The following ALK variants were observed in gnomAD, a reference collection of about 807,000 sequenced individuals.
The protein encoded by ALK is ALK receptor tyrosine kinase.
In ALK, 74 loss-of-function variants were observed where a neutral mutation model predicts 163.1. That is an observed-to-expected ratio of 0.45 (90% confidence interval 0.38 to 0.55). ALK has a LOEUF of 0.55. Among genes scored for constraint, ALK ranks in the 20% least tolerant of loss-of-function variants. The pLI, the probability that ALK is intolerant of heterozygous loss-of-function variation, is 0.00. For synonymous variants in ALK, 960 were observed against 843.2 expected (o/e 1.14, Z -2.40); for missense variants, 2,063 against 2,105.3 (o/e 0.98, Z 0.39).
intron 10 of ALK, 60 bp from the exon 11 acceptor site, chr2:29,275,287 TG>T: frequency 6.2e-7 from 1 of 1,611,796 alleles, no homozygotes; most frequent in South Asian, 1.1e-5. Flanking sequence ...GGGTGAGAGA[TG>T]ATTTCACACT....
chr2:29,782,782 G>A (rs1268697038), intron 1 of ALK, among the ~76,000 whole-genome samples: 1 of 152,188 alleles, frequency 6.6e-6, no homozygotes, highest in Non-Finnish European at 1.5e-5. Context: ...ATTCCCCAGA[G>A]CCAGCCTTCT....
chr2:29,327,756 TTTGGATGGA>T (rs1438255112), intron 6 of ALK, among the ~76,000 whole-genome samples: 1 of 152,176 alleles, frequency 6.6e-6, no homozygotes, highest in African/African-American at 2.4e-5. Context: ...AATGATGATA[TTTGGATGGA>T]TCCACTGGAT....
At chr2:29,367,635 C>T (rs544192477) in intron 5 of ALK, among the ~76,000 whole-genome samples, 28 of 152,298 alleles carry the variant, frequency 1.8e-4, no homozygotes, top group South Asian at 6.2e-4. Flanking sequence ...TGCTGGGGTG[C>T]GTACATAATT....
chr2:29,854,353 G>A (rs7578586), intron 1 of ALK, among the ~76,000 whole-genome samples: 40,675 of 151,980 alleles, frequency 0.27, 6,174 homozygotes, highest in East Asian at 0.57. Context: ...TGAATCCCTC[G>A]TGTCTCACTG....
intron 3 of ALK, among the ~76,000 whole-genome samples, chr2:29,607,372 A>G (rs1347376027): frequency 6.6e-6 from 1 of 152,156 alleles, no homozygotes; most frequent in Non-Finnish European, 1.5e-5. Flanking sequence ...TTTTACTTTA[A>G]GAAAATCACA....
chr2:29,856,333 G>T (rs115433863), intron 1 of ALK, among the ~76,000 whole-genome samples: 1 of 152,306 alleles, frequency 6.6e-6, no homozygotes, highest in East Asian at 1.9e-4. Context: ...CATGGGAAGT[G>T]CCTGATGTAG....
Position 29,810,312 on chromosome 2 carries a change from C to G in ALK, c.668-92615G>C, listed in dbSNP as rs559599467. On this transcript the variant is annotated intron_variant, in intron 1 of 28. Coordinates refer to ENST00000389048, the MANE Select transcript of ALK (RefSeq NM_004304.5). Reference sequence around the variant, plus strand: ...TGGTGGTTGCCTGTAATTCCAGCTACTCGGGAGGCTGAGGCAGGAGAATCG... The same window carrying G: ...TGGTGGTTGCCTGTAATTCCAGCTAGTCGGGAGGCTGAGGCAGGAGAATCG... Among the ~76,000 whole-genome samples the G allele has an allele frequency of 2.0e-5, 3 of 151,572 alleles. No individual in the cohort carries two copies. The East Asian group carries it at 5.8e-4, about 30-fold the overall frequency.
chr2:29,338,579 C>T lies in ALK; in HGVS notation c.1283-10098G>A, dbSNP rs76918109. 3.6e-3 allele frequency among the ~76,000 whole-genome samples: 547 copies of T among 152,338 alleles called. 4 individuals are homozygous for T. Among genetic ancestry groups the T allele is most frequent in the African/African-American group, 0.012 (490 of 41,576 alleles). On this transcript the variant is annotated intron_variant, in intron 5 of 28. Transcript: ENST00000389048. ...TGCTCTTCTCTCTTGAAGAAAGACA[C>T]GCATCTCCCTCTGGGGTGCTGATGC...
chr2:29,918,901 T>C (rs1028466737), intron 1 of ALK, among the ~76,000 whole-genome samples: 11 of 152,260 alleles, frequency 7.2e-5, no homozygotes, highest in African/African-American at 2.7e-4. Context: ...TTTAAAAGCC[T>C]GATTTCTTTT....
chr2:29,647,607 C>G (rs890693904), intron 3 of ALK, among the ~76,000 whole-genome samples: 1 of 152,052 alleles, frequency 6.6e-6, no homozygotes, highest in Non-Finnish European at 1.5e-5. Flanking sequence ...TGTGAAGAAG[C>G]GTCCGGAATT....
At chr2:29,524,447 C>T (rs1490531661) in intron 4 of ALK, among the ~76,000 whole-genome samples, 3 of 152,138 alleles carry the variant, frequency 2.0e-5, no homozygotes, top group African/African-American at 7.2e-5. Context: ...AGAAATGGAC[C>T]CAGAAGATCT....
intron 1 of ALK, among the ~76,000 whole-genome samples, chr2:29,781,423 C>T (rs1558485488): frequency 6.6e-6 from 1 of 152,158 alleles, no homozygotes; most frequent in Admixed American, 6.5e-5. Context: ...ATCCTCCTTG[C>T]ATGGGCCTTG....
At chr2:29,232,071 C>T (rs188214990) in intron 15 of ALK, among the ~76,000 whole-genome samples, 1 of 152,134 alleles carries the variant, frequency 6.6e-6, no homozygotes, top group African/African-American at 2.4e-5. Flanking sequence ...CGGCTGCTCC[C>T]TGCCTCACTT....
intron 3 of ALK, among the ~76,000 whole-genome samples, chr2:29,570,595 C>T (rs1197017166): frequency 2.0e-5 from 3 of 152,210 alleles, no homozygotes; most frequent in African/African-American, 7.2e-5. Flanking sequence ...GGCTCTGAGG[C>T]TGAGTCCTGG....
chr2:29,225,922 G>C (rs1475361545), intron 18 of ALK, among the ~76,000 whole-genome samples: 1 of 151,424 alleles, frequency 6.6e-6, no homozygotes, highest in African/African-American at 2.4e-5. Flanking sequence ...AGGGTGCGCT[G>C]TAAGTAACAC....
At chr2:29,307,132 G>A in intron 8 of ALK, among the ~76,000 whole-genome samples, 1 of 152,216 alleles carries the variant, frequency 6.6e-6, no homozygotes, top group Non-Finnish European at 1.5e-5. Flanking sequence ...TATGCCCCAT[G>A]TTTGCTATGC....
chr2:29,687,659 A>C (rs1020646010), intron 3 of ALK, among the ~76,000 whole-genome samples: 33 of 152,142 alleles, frequency 2.2e-4, no homozygotes, highest in African/African-American at 7.7e-4. Context: ...TTACCTAGAA[A>C]TAACTTCTGC....
chr2:29,489,398 C>T (rs1353168403), intron 4 of ALK, among the ~76,000 whole-genome samples: 2 of 152,152 alleles, frequency 1.3e-5, no homozygotes, highest in African/African-American at 4.8e-5. Flanking sequence ...TTCCTGGGCT[C>T]AAGCAATCTG....
At chr2:29,212,909 T>C (rs902013098) in intron 24 of ALK, among the ~76,000 whole-genome samples, 5 of 152,184 alleles carry the variant, frequency 3.3e-5, no homozygotes, top group African/African-American at 1.2e-4. Context: ...TGCTCCATGT[T>C]GGTCAGGCTG....
Sources: allele counts gnomAD v4.1 joint callset (sites outside exome capture counted in the v4.1 genomes callset), GRCh38; gene constraint gnomAD v4.1.1; transcripts MANE v1.5; gene names NCBI Gene and HGNC (gene_info 2026-07-23, HGNC 2026-07-21).